The following SHISA9 variants were observed in gnomAD, a reference collection of about 807,000 sequenced individuals.
The protein encoded by SHISA9 is shisa family member 9.
SHISA9 carries 13 observed loss-of-function variants against 38.0 expected under a neutral mutation model. The ratio of observed to expected loss-of-function variants is 0.34; its 90% CI spans 0.22 to 0.54. The LOEUF (loss-of-function observed/expected upper bound fraction) is 0.54, where lower values mean the gene tolerates loss of function less well. Among genes scored for constraint, SHISA9 ranks in the 20% least tolerant of loss-of-function variants. SHISA9 has a pLI of 0.91. For missense variants in SHISA9, 538 were observed against 575.8 expected, an observed-to-expected ratio of 0.93 and a Z score of 0.67; for synonymous variants, 275 against 242.0, an observed-to-expected ratio of 1.14 and a Z score of -1.27.
At chr16:13,163,030 T>C (rs926968919) in intron 2 of SHISA9, among the ~76,000 whole-genome samples, 2 of 152,174 alleles carry the variant, frequency 1.3e-5, no homozygotes, top group East Asian at 3.8e-4. Flanking sequence ...GAATTCTAAG[T>C]TAGTCTTTAT....
intron 2 of SHISA9, among the ~76,000 whole-genome samples, chr16:12,980,977 G>A (rs1018032402): frequency 1.3e-5 from 2 of 151,926 alleles, no homozygotes; most frequent in Non-Finnish European, 2.9e-5. Context: ...TTTAATAGAA[G>A]GCTAATTAAA....
the SHISA9 span, among the ~76,000 whole-genome samples, chr16:13,521,616 C>A: frequency 6.6e-6 from 1 of 152,302 alleles, no homozygotes; most frequent in East Asian, 1.9e-4. Flanking sequence ...AAGGGTTTGG[C>A]ATTAGAGTGG....
At chr16:12,912,170 T>C (rs969568258) in intron 1 of SHISA9, among the ~76,000 whole-genome samples, 3 of 151,990 alleles carry the variant, frequency 2.0e-5, no homozygotes, top group African/African-American at 7.2e-5. Context: ...CCAAATCGGT[T>C]TATGCAGTCC....
At chr16:13,479,948 C>G in the SHISA9 span, among the ~76,000 whole-genome samples, 3 of 152,318 alleles carry the variant, frequency 2.0e-5, no homozygotes, top group Admixed American at 6.5e-5. Context: ...AGGAGGCGGA[C>G]TGACCTGAAT....
chr16:13,064,784 C>CAAAAAAAAAAAAA (rs72435637), intron 2 of SHISA9, among the ~76,000 whole-genome samples: 1 of 82,374 alleles, frequency 1.2e-5, no homozygotes, highest in Non-Finnish European at 3.0e-5. Flanking sequence ...AGTTGTAAGG[C>CAAAAAAAAAAAAA]AAAAAAAAAA....
chr16:13,291,786 G>A, the SHISA9 span, among the ~76,000 whole-genome samples: 2 of 152,084 alleles, frequency 1.3e-5, no homozygotes, highest in Non-Finnish European at 2.9e-5. Flanking sequence ...ATAAGATGGA[G>A]CCAGAAATAA....
At chr16:13,422,532 C>A in the SHISA9 span, among the ~76,000 whole-genome samples, 36 of 152,088 alleles carry the variant, frequency 2.4e-4, no homozygotes, top group African/African-American at 7.7e-4. Flanking sequence ...CCCATCTCTA[C>A]CAAAAATACA....
chr16:13,344,432 T>A, the SHISA9 span, among the ~76,000 whole-genome samples: 1 of 152,182 alleles, frequency 6.6e-6, no homozygotes, highest in East Asian at 1.9e-4. Flanking sequence ...CTTTTTTAGC[T>A]CTTCTTCCTT....
chr16:13,274,421 T>G, the SHISA9 span, among the ~76,000 whole-genome samples: 1 of 152,184 alleles, frequency 6.6e-6, no homozygotes, highest in African/African-American at 2.4e-5. Flanking sequence ...ATACAACTCT[T>G]GAAAAAAATT....
At chr16:13,491,817 CCTTTTT>C in the SHISA9 span, among the ~76,000 whole-genome samples, 1 of 46,892 alleles carries the variant, frequency 2.1e-5, no homozygotes, top group Non-Finnish European at 3.9e-5. Flanking sequence ...TATTTATTGA[CCTTTTT>C]TTTTTTTTTT....
chr16:13,410,171 C>T, the SHISA9 span, among the ~76,000 whole-genome samples: 39 of 152,254 alleles, frequency 2.6e-4, no homozygotes, highest in East Asian at 7.1e-3. Flanking sequence ...GTGAACAAAG[C>T]TTTGAAGTTG....
At chr16:12,927,143 A>G (rs899792488) in intron 2 of SHISA9, among the ~76,000 whole-genome samples, 10 of 152,220 alleles carry the variant, frequency 6.6e-5, no homozygotes, top group African/African-American at 1.9e-4. Flanking sequence ...ATCGTAATAC[A>G]TATATTAAAA....
chr16:13,407,820 T>G, the SHISA9 span, among the ~76,000 whole-genome samples: 2 of 152,244 alleles, frequency 1.3e-5, no homozygotes, highest in African/African-American at 4.8e-5. Context: ...CACATCTTAC[T>G]TTCTTCATAA....
the SHISA9 span, among the ~76,000 whole-genome samples, chr16:13,483,909 A>G: frequency 9.9e-5 from 15 of 152,210 alleles, no homozygotes; most frequent in African/African-American, 3.1e-4. Context: ...AAACTGATAA[A>G]TGCATTTCCC....
At chr16:13,458,860 G>T in the SHISA9 span, among the ~76,000 whole-genome samples, 5 of 151,010 alleles carry the variant, frequency 3.3e-5, no homozygotes, top group African/African-American at 9.7e-5. Context: ...GTTTTGTTTT[G>T]TTTTTTGTTT....
At chr16:13,304,537 T>A in the SHISA9 span, among the ~76,000 whole-genome samples, 194 of 152,328 alleles carry the variant, frequency 1.3e-3, no homozygotes, top group African/African-American at 4.1e-3. Context: ...AGATTACAGA[T>A]GTGAGCCACT....
At chr16:13,472,193 C>CCCT in the SHISA9 span, among the ~76,000 whole-genome samples, 2 of 152,016 alleles carry the variant, frequency 1.3e-5, no homozygotes, top group Admixed American at 1.3e-4. Context: ...ATGTCACCCA[C>CCCT]CCTTGCTTAT....
intron 2 of SHISA9, among the ~76,000 whole-genome samples, chr16:13,069,069 G>A (rs974024418): frequency 6.6e-6 from 1 of 151,464 alleles, no homozygotes; most frequent in Non-Finnish European, 1.5e-5. Flanking sequence ...ATGTATGTGT[G>A]TACATGTGTA....
chr16:13,367,702 G>GCA, the SHISA9 span, among the ~76,000 whole-genome samples: 1 of 35,800 alleles, frequency 2.8e-5, no homozygotes, highest in African/African-American at 7.3e-5. Context: ...GTGCGTGCGC[G>GCA]CGCGCGCGCG....
Sources: allele counts gnomAD v4.1 joint callset (sites outside exome capture counted in the v4.1 genomes callset), GRCh38; gene constraint gnomAD v4.1.1; transcripts MANE v1.5; gene names NCBI Gene and HGNC (gene_info 2026-07-23, HGNC 2026-07-21).